ERG: variants seen among roughly 807,000 people sequenced by gnomAD.
ERG encodes transcriptional regulator ERG.
Under a neutral mutation model 55.3 loss-of-function variants are expected in ERG, and 9 were observed. That is an observed-to-expected ratio of 0.16 (90% CI 0.10 to 0.28). ERG has a LOEUF of 0.28. Ranked by LOEUF, ERG falls within the 10% of genes least tolerant of loss-of-function variation. The probability of loss-of-function intolerance (pLI) is 1.00; values close to 1 mark genes in which losing one functional copy is unlikely to be tolerated. For missense variants in ERG, 434 were observed against 631.6 expected (o/e 0.69, Z 3.35); for synonymous variants, 223 against 237.3 (o/e 0.94, Z 0.55).
intron 2 of ERG, among the ~76,000 whole-genome samples, chr21:38,558,087 G>T (rs779596436): frequency 3.3e-5 from 5 of 151,890 alleles, no homozygotes; most frequent in Non-Finnish European, 7.4e-5. Flanking sequence ...TTTTGGCAGA[G>T]ACCTCATTCT....
chr21:38,377,769 A>G (rs1387950020), downstream of ERG, among the ~76,000 whole-genome samples: 1 of 151,992 alleles, frequency 6.6e-6, no homozygotes, highest in Non-Finnish European at 1.5e-5. Flanking sequence ...GGAGGTGGAA[A>G]TTGTTAGTCT....
intron 2 of ERG, among the ~76,000 whole-genome samples, chr21:38,519,396 G>A (rs149768873): frequency 5.6e-4 from 86 of 152,264 alleles, no homozygotes; most frequent in Middle Eastern, 6.8e-3. Flanking sequence ...ACGCAGCACC[G>A]GTAGCTGTGA....
intron 2 of ERG, among the ~76,000 whole-genome samples, chr21:38,539,117 A>G (rs1439595245): frequency 1.3e-5 from 2 of 152,214 alleles, no homozygotes; most frequent in African/African-American, 4.8e-5. Context: ...GAGGCTGTAA[A>G]CTAATGCATA....
chr21:38,396,455 T>G (rs1988222202), intron 6 of ERG, among the ~76,000 whole-genome samples: 1 of 152,252 alleles, frequency 6.6e-6, no homozygotes, highest in South Asian at 2.1e-4. Flanking sequence ...TGAAAAGCAC[T>G]AGGCTGTGAG....
At chr21:38,403,119 T>A (rs1988585165) in intron 4 of ERG, among the ~76,000 whole-genome samples, 1 of 152,168 alleles carries the variant, frequency 6.6e-6, no homozygotes. Flanking sequence ...GGGAGAATAA[T>A]CCCCCTAATT....
At chr21:38,593,558 T>C (rs1054242428) in intron 1 of ERG, among the ~76,000 whole-genome samples, 1 of 152,016 alleles carries the variant, frequency 6.6e-6, no homozygotes. Context: ...AATTACAAGG[T>C]CAAATCTTAA....
At chr21:38,660,027 A>T (rs2060542299) in intron 1 of ERG, among the ~76,000 whole-genome samples, 1 of 151,746 alleles carries the variant, frequency 6.6e-6, no homozygotes, top group Non-Finnish European at 1.5e-5. Context: ...TGAGACTGAG[A>T]GTGGGAAAGG....
At chr21:38,458,808 A>T (rs981432826) in intron 1 of ERG, among the ~76,000 whole-genome samples, 1 of 152,088 alleles carries the variant, frequency 6.6e-6, no homozygotes, top group Non-Finnish European at 1.5e-5. Context: ...ACAGATTCTC[A>T]TCTCCTGCTC....
chr21:38,656,255 G>A (rs1023630999), intron 1 of ERG, among the ~76,000 whole-genome samples: 1 of 152,104 alleles, frequency 6.6e-6, no homozygotes, highest in Non-Finnish European at 1.5e-5. Flanking sequence ...CATGTCATTG[G>A]GCCATCGAGA....
At chr21:38,636,366 G>A (rs1481695583) in intron 1 of ERG, among the ~76,000 whole-genome samples, 1 of 152,200 alleles carries the variant, frequency 6.6e-6, no homozygotes, top group African/African-American at 2.4e-5. Flanking sequence ...CCGTCTCCAG[G>A]AGAAGAGAAG....
chr21:38,593,309 T>C (rs928108040), intron 1 of ERG, among the ~76,000 whole-genome samples: 5 of 152,256 alleles, frequency 3.3e-5, no homozygotes, highest in African/African-American at 1.2e-4. Context: ...TCTCCTGCTT[T>C]ACACTGAGCC....
At chr21:38,628,863 C>T (rs17194214) in intron 1 of ERG, among the ~76,000 whole-genome samples, 21,944 of 152,220 alleles carry the variant, frequency 0.14, 1,834 homozygotes, top group East Asian at 0.29. Flanking sequence ...TGCATTAAAA[C>T]TTTTTTCTCT....
chr21:38,454,526 A>G (rs1265834744), intron 1 of ERG, among the ~76,000 whole-genome samples: 1 of 152,124 alleles, frequency 6.6e-6, no homozygotes, highest in Non-Finnish European at 1.5e-5. Flanking sequence ...TTGACTCTCA[A>G]TTTCTTCAAC....
chr21:38,604,975 G>T (rs2060188028), intron 1 of ERG, among the ~76,000 whole-genome samples: 1 of 152,114 alleles, frequency 6.6e-6, no homozygotes, highest in African/African-American at 2.4e-5. Flanking sequence ...TGAAGATTCT[G>T]CTCTCGTTCC....
chr21:38,391,299 C>T (rs551632376), intron 8 of ERG, among the ~76,000 whole-genome samples: 1 of 152,276 alleles, frequency 6.6e-6, no homozygotes, highest in South Asian at 2.1e-4. Context: ...TCAAGGCTCA[C>T]ACCAACCAAT....
chr21:38,423,326 T>C, intron 3 of ERG, 84 bp downstream of exon 3: 2 of 1,412,618 alleles, frequency 1.4e-6, no homozygotes, highest in Non-Finnish European at 9.7e-7. Flanking sequence ...ATGCCACAGG[T>C]GGGGGAGAAG....
At chr21:38,553,931 T>C (rs748968961) in intron 2 of ERG, among the ~76,000 whole-genome samples, 4 of 151,606 alleles carry the variant, frequency 2.6e-5, no homozygotes, top group Non-Finnish European at 4.4e-5. Flanking sequence ...AAATTATGCA[T>C]CCAACAAAGG....
At chr21:38,525,489 G>A (rs1310610875) in intron 2 of ERG, among the ~76,000 whole-genome samples, 7 of 152,052 alleles carry the variant, frequency 4.6e-5, no homozygotes, top group African/African-American at 1.2e-4. Flanking sequence ...CCAGAAGCAC[G>A]CGCAAAGCTC....
chr21:38,628,558 C>T (rs962069497), intron 1 of ERG, among the ~76,000 whole-genome samples: 2 of 152,160 alleles, frequency 1.3e-5, no homozygotes, highest in Non-Finnish European at 2.9e-5. Flanking sequence ...ACAGCTACTG[C>T]GTGGAGAAAA....
Sources: gnomAD v4.1 joint callset for allele counts (sites outside exome capture counted in the v4.1 genomes callset) on GRCh38, gnomAD v4.1.1 for gene constraint, MANE v1.5 for transcripts, NCBI Gene and HGNC (gene_info 2026-07-23, HGNC 2026-07-21) for gene names.